PPP2CA: variants seen among roughly 807,000 people sequenced by gnomAD.
PPP2CA encodes protein phosphatase 2 catalytic subunit alpha.
A neutral mutation model predicts 38.8 loss-of-function variants in PPP2CA; 5 were observed. The ratio of observed to expected loss-of-function variants is 0.13; its 90% CI spans 0.07 to 0.27. PPP2CA has a LOEUF of 0.27. Among genes scored for constraint, PPP2CA ranks in the 10% least tolerant of loss-of-function variants. The pLI, the probability that PPP2CA is intolerant of heterozygous loss-of-function variation, is 1.00. For missense variants in PPP2CA, 88 were observed against 389.7 expected (o/e 0.23, Z 6.52); for synonymous variants, 152 against 134.0 (o/e 1.13, Z -0.93).
chr5:134,213,370 A>G lies in PPP2CA; in HGVS notation c.103-7239T>C, dbSNP rs535368295. Among the ~76,000 whole-genome samples, 15 of 152,168 alleles carry G rather than the reference A, an allele frequency of 9.9e-5. No homozygotes were observed. In the South Asian group the frequency reaches 3.1e-3, roughly 32 times the overall value. ...GGATGACAGCACATCTGCTTACAGC[A>G]CGGTATACTGAATATTTTAAGTGCA... On this transcript the variant is annotated intron_variant, in intron 1 of 6. Transcript: ENST00000481195.
In PPP2CA at chr5:134,195,670, AC is replaced by A. The variant is rs1428211690; in HGVS notation, c.*2101del. On this transcript the variant is annotated 3_prime_UTR_variant, in exon 7 of 7. Transcript: ENST00000481195. ...ATAATTATGTATTTTTCAAGAAAAT[AC>A]ATAATTTACTAACACATTTTCCTTA... 1 of 152,274 alleles carries A rather than the reference AC, an allele frequency of 6.6e-6. No homozygotes were observed. Among genetic ancestry groups the A allele is most frequent in the African/African-American group, 2.4e-5 (1 of 41,486 alleles). 9.4% of individuals were successfully genotyped at this position (152,274 alleles called of 1,614,324 possible).
At chr5:134,201,730 A>T in intron 3 of PPP2CA, 118 bp downstream of exon 3, 1 of 1,116,844 alleles carries the variant, frequency 9.0e-7, no homozygotes, top group South Asian at 1.5e-5. Flanking sequence ...AATGCTATCA[A>T]TATCTATTAA....
chr5:134,203,984 GT>G (rs1762023370), intron 2 of PPP2CA, among the ~76,000 whole-genome samples: 1 of 152,172 alleles, frequency 6.6e-6, no homozygotes, highest in African/African-American at 2.4e-5. Context: ...TTCATCCTGG[GT>G]TTTTAGCACA....
chr5:134,224,334 G>C (rs1452391367), intron 1 of PPP2CA: 7 of 453,936 alleles, frequency 1.5e-5, no homozygotes, highest in African/African-American at 8.0e-5. Context: ...AACAGATGAT[G>C]TGCCACCTCA....
chr5:134,197,757 A>G lies in PPP2CA; in HGVS notation c.*15T>C. On this transcript the variant is annotated 3_prime_UTR_variant, in exon 7 of 7. Coordinates refer to ENST00000481195, the MANE Select transcript of PPP2CA (RefSeq NM_002715.4). ...TATATGGTTCATGGCAATACTGTAC[A>G]AGTTTAAAATTTCATTACAGGAAGT... 6.2e-7 allele frequency: 1 copy of G among 1,605,092 alleles called. No individual in the cohort carries two copies. Among genetic ancestry groups the G allele is most frequent in the Non-Finnish European group, 8.5e-7 (1 of 1,171,966 alleles).
chr5:134,206,192 T>G, intron 1 of PPP2CA, 61 bp from the exon 2 acceptor site: 5 of 1,428,738 alleles, frequency 3.5e-6, no homozygotes, highest in Non-Finnish European at 3.9e-6. Flanking sequence ...TAACAAAGAT[T>G]TGTTTACTTA....
intron 2 of PPP2CA, 76 bp downstream of exon 2, chr5:134,205,846 A>T: frequency 7.8e-7 from 1 of 1,279,286 alleles, no homozygotes; most frequent in East Asian, 2.4e-5. Context: ...GATAGAGAAA[A>T]TAACTGGGGG....
At chr5:134,205,760 C>T (rs774040116) in intron 2 of PPP2CA, 162 bp downstream of exon 2, 58 of 600,674 alleles carry the variant, frequency 9.7e-5, no homozygotes, top group Admixed American at 1.5e-4. Flanking sequence ...TTACTCAGAA[C>T]GCAGACGCCT....
chr5:134,220,102 A>G (rs374606465), intron 1 of PPP2CA, among the ~76,000 whole-genome samples: 7 of 150,828 alleles, frequency 4.6e-5, no homozygotes, highest in African/African-American at 1.7e-4. Context: ...GACAATAGAC[A>G]CCTCTCCCTT....
chr5:134,197,946 A>G, intron 6 of PPP2CA, 102 bp from the exon 7 acceptor site: 2 of 981,194 alleles, frequency 2.0e-6, no homozygotes, highest in Non-Finnish European at 3.2e-6. Context: ...TTCCTATTCA[A>G]TTTTGGCTTG....
intron 4 of PPP2CA, 93 bp from the exon 5 acceptor site, chr5:134,200,589 C>A: frequency 7.4e-7 from 1 of 1,348,892 alleles, no homozygotes; most frequent in Non-Finnish European, 1.0e-6. Flanking sequence ...CTAAGCCACC[C>A]TTTTTGAGTG....
chr5:134,217,300 GAAGTCTGATT>G (rs960051233), intron 1 of PPP2CA, among the ~76,000 whole-genome samples: 4 of 151,862 alleles, frequency 2.6e-5, no homozygotes, highest in African/African-American at 9.7e-5. Context: ...AAAAAAAAAA[GAAGTCTGATT>G]ATTAATTCTA....
intron 1 of PPP2CA, among the ~76,000 whole-genome samples, chr5:134,215,638 T>C (rs1762300754): frequency 6.6e-6 from 1 of 152,058 alleles, no homozygotes; most frequent in Non-Finnish European, 1.5e-5. Context: ...AGGGTCTCAC[T>C]ATGCTGCCTA....
intron 5 of PPP2CA, among the ~76,000 whole-genome samples, chr5:134,199,702 C>T (rs1761933825): frequency 6.6e-6 from 1 of 152,166 alleles, no homozygotes; most frequent in Non-Finnish European, 1.5e-5. Context: ...TGCAATATGC[C>T]TCTAGGATCT....
chr5:134,200,049 C>A (rs868137280), intron 5 of PPP2CA, among the ~76,000 whole-genome samples: 84 of 152,282 alleles, frequency 5.5e-4, no homozygotes, highest in African/African-American at 1.9e-3. Flanking sequence ...AAATATCATA[C>A]ATGCACACCA....
At position 134,209,654 on chromosome 5, in the gene PPP2CA, C is replaced by T. The variant is rs369137340; in HGVS notation, c.103-3523G>A. ...ACAGCTGGGTGTTGTGGTGTAGGCC[C>T]GTAATCTCAGCTACTTGGGAAGCTG... On this transcript the variant is annotated intron_variant, in intron 1 of 6. Transcript: ENST00000481195. Among the ~76,000 whole-genome samples the T allele has an allele frequency of 1.2e-4, 18 of 151,976 alleles. No individual in the cohort carries two copies. The South Asian group carries it at 1.3e-3, about 11-fold the overall frequency.
chr5:134,222,085 C>T (rs1264517814), intron 1 of PPP2CA, among the ~76,000 whole-genome samples: 5 of 152,032 alleles, frequency 3.3e-5, no homozygotes, highest in Non-Finnish European at 7.4e-5. Context: ...AGAAGGGGAT[C>T]TGTGAAGCAA....
chr5:134,197,909 A>C (rs1034502103), intron 6 of PPP2CA, 65 bp from the exon 7 acceptor site: 1 of 1,362,200 alleles, frequency 7.3e-7, no homozygotes, highest in African/African-American at 1.4e-5. Context: ...ATCAAGATCA[A>C]GAACATGAGT....
At chr5:134,204,626 A>AT (rs986570145) in intron 2 of PPP2CA, among the ~76,000 whole-genome samples, 5 of 151,774 alleles carry the variant, frequency 3.3e-5, no homozygotes, top group African/African-American at 7.3e-5. Context: ...GCACCTGGCT[A>AT]TTTTTTTTAA....
Sources: gnomAD v4.1 joint callset for allele counts (sites outside exome capture counted in the v4.1 genomes callset) on GRCh38, gnomAD v4.1.1 for gene constraint, MANE v1.5 for transcripts, NCBI Gene and HGNC (gene_info 2026-07-23, HGNC 2026-07-21) for gene names.